Variants in ARHGAP10 observed in about 807,000 individuals in gnomAD.
ARHGAP10 encodes the protein Rho GTPase activating protein 10.
A neutral mutation model predicts 108.6 loss-of-function variants in ARHGAP10; 87 were observed. That is an observed-to-expected ratio of 0.80 (90% confidence interval 0.67 to 0.96). The LOEUF is 0.96. ARHGAP10 is among the 40% of genes least tolerant of loss of function. The pLI is 0.00. For missense variants in ARHGAP10, 939 were observed against 954.5 expected, an observed-to-expected ratio of 0.98 and a Z score of 0.21; for synonymous variants, 347 against 341.1, an observed-to-expected ratio of 1.02 and a Z score of -0.19.
At chr4:147,732,484 T>C in intron 1 of ARHGAP10, 29 bp downstream of exon 1, 2 of 1,605,950 alleles carry the variant, frequency 1.2e-6, no homozygotes, top group Non-Finnish European at 1.7e-6. Flanking sequence ...GCGGACGGGC[T>C]GCGGCGTGGC....
At chr4:147,837,756 G>A (rs1242665982) in intron 3 of ARHGAP10, among the ~76,000 whole-genome samples, 1 of 145,726 alleles carries the variant, frequency 6.9e-6, no homozygotes, top group East Asian at 2.1e-4. Flanking sequence ...GCCAGTGTCT[G>A]TCATTTTTGG....
chr4:147,939,676 T>C, intron 13 of ARHGAP10, 149 bp from the exon 14 acceptor site: 1 of 701,780 alleles, frequency 1.4e-6, no homozygotes, highest in Non-Finnish European at 2.5e-6. Context: ...TAAAACAAGT[T>C]GTTAAACACT....
chr4:147,760,430 C>T (rs555298876), intron 1 of ARHGAP10, among the ~76,000 whole-genome samples: 18 of 152,266 alleles, frequency 1.2e-4, no homozygotes, highest in African/African-American at 3.9e-4. Context: ...CAGCAGCTCC[C>T]GTGAGTCCAC....
intron 7 of ARHGAP10, among the ~76,000 whole-genome samples, chr4:147,872,590 G>T (rs1005867937): frequency 6.6e-6 from 1 of 152,132 alleles, no homozygotes; most frequent in Non-Finnish European, 1.5e-5. Context: ...ACTACTAATC[G>T]CCTACTGTTG....
At chr4:148,059,309 G>A (rs1729498687) in intron 20 of ARHGAP10, among the ~76,000 whole-genome samples, 1 of 152,034 alleles carries the variant, frequency 6.6e-6, no homozygotes, top group Non-Finnish European at 1.5e-5. Flanking sequence ...CTCCATTTTC[G>A]CAAACTGCAA....
chr4:147,977,841 C>G (rs1160682806), intron 18 of ARHGAP10, among the ~76,000 whole-genome samples: 2 of 151,856 alleles, frequency 1.3e-5, no homozygotes, highest in African/African-American at 4.8e-5. Flanking sequence ...TCTCCAGTGT[C>G]TATTACTTTC....
At chr4:147,904,037 C>A (rs1167454193) in intron 10 of ARHGAP10, among the ~76,000 whole-genome samples, 1 of 152,130 alleles carries the variant, frequency 6.6e-6, no homozygotes, top group Admixed American at 6.6e-5. Flanking sequence ...TAAGAAACAA[C>A]CAGACTTTGA....
At position 148,051,925 on chromosome 4, in the gene ARHGAP10, T is replaced by TG. The variant is rs894082195; in HGVS notation, c.2027+4880dup. Among the ~76,000 whole-genome samples, 7 of 152,290 alleles carry TG rather than the reference T, an allele frequency of 4.6e-5. No individual in the cohort carries two copies. The South Asian group carries it at 1.5e-3, about 32-fold the overall frequency. ...GTTTCCTTTAAATTGGGCAAATGAA[T>TG]GGGGGGTTTCTCAGAGACAGCTGCT... On this transcript the variant is annotated intron_variant, in intron 20 of 22. Coordinates refer to ENST00000336498, the MANE Select transcript of ARHGAP10 (RefSeq NM_024605.4).
At chr4:147,813,722 A>C (rs190843615) in intron 1 of ARHGAP10, among the ~76,000 whole-genome samples, 2 of 152,316 alleles carry the variant, frequency 1.3e-5, no homozygotes, top group East Asian at 3.9e-4. Flanking sequence ...CTGTACTGTG[A>C]GTTTTTTCTC....
At chr4:147,828,105 C>T (rs1275024218) in intron 3 of ARHGAP10, among the ~76,000 whole-genome samples, 1 of 152,118 alleles carries the variant, frequency 6.6e-6, no homozygotes, top group Non-Finnish European at 1.5e-5. Context: ...GCCCATTCCA[C>T]TTTATCTTTA....
intron 1 of ARHGAP10, among the ~76,000 whole-genome samples, chr4:147,818,267 T>C (rs1732338080): frequency 6.6e-6 from 1 of 151,526 alleles, no homozygotes; most frequent in Admixed American, 6.6e-5. Context: ...AGGCGCTCAA[T>C]AAAGGTTAGT....
rs1043225873 is a variant in ARHGAP10, at chr4:147,955,332, C to G, written c.1408C>G (p.Leu470Val). ...KQYLRSLPEP[L>V]MTYELHGDFI... ...TTCACACAGGAGTCTTCCAGAGCCT[C>G]TCATGACCTATGAGTTACATGGAGA... Residue 470 changes from leucine (L) to valine (V), a missense_variant, in exon 16 of 23, where the codon CTC becomes GTC. Coordinates refer to ENST00000336498, the MANE Select transcript of ARHGAP10 (RefSeq NM_024605.4). 6.2e-7 allele frequency: 1 copy of G among 1,611,830 alleles called. No homozygotes were observed. Among genetic ancestry groups the G allele is most frequent in the African/African-American group, 1.3e-5 (1 of 74,944 alleles).
At chr4:147,859,874 A>G (rs1734242819) in intron 5 of ARHGAP10, among the ~76,000 whole-genome samples, 1 of 152,234 alleles carries the variant, frequency 6.6e-6, no homozygotes, top group African/African-American at 2.4e-5. Flanking sequence ...TAAATTACAT[A>G]CACTTTTTAA....
intron 1 of ARHGAP10, among the ~76,000 whole-genome samples, chr4:147,763,180 A>T (rs990019934): frequency 5.3e-5 from 8 of 151,878 alleles, no homozygotes; most frequent in Admixed American, 1.3e-4. Flanking sequence ...TAAGAAAATG[A>T]CTGTTTTTTT....
intron 18 of ARHGAP10, among the ~76,000 whole-genome samples, chr4:148,007,144 T>C (rs1285389555): frequency 1.3e-5 from 2 of 152,232 alleles, no homozygotes; most frequent in Non-Finnish European, 2.9e-5. Flanking sequence ...GAGAGCTAAA[T>C]AAGAATGACT....
chr4:147,995,712 C>G (rs1740446422), intron 18 of ARHGAP10, among the ~76,000 whole-genome samples: 1 of 152,076 alleles, frequency 6.6e-6, no homozygotes, highest in South Asian at 2.1e-4. Flanking sequence ...TTTGCATGGT[C>G]CATCTCTCTC....
At chr4:147,925,944 G>T (rs933276343) in intron 13 of ARHGAP10, among the ~76,000 whole-genome samples, 1 of 152,200 alleles carries the variant, frequency 6.6e-6, no homozygotes, top group Non-Finnish European at 1.5e-5. Flanking sequence ...ATAATGGCCA[G>T]CAAGGAAGCC....
Position 147,941,045 on chromosome 4 carries a change from T to C in ARHGAP10, c.1303+1146T>C, listed in dbSNP as rs551228852. 2.0e-5 allele frequency among the ~76,000 whole-genome samples: 3 copies of C among 152,356 alleles called. No homozygotes were observed. The East Asian group carries it at 5.8e-4, about 29-fold the overall frequency. ...AAATTAAATAGACTCAGGTTGCCAG[T>C]GGTTCAGTAGCAGCTGGAAGAATTT... is the stretch of plus-strand genomic sequence containing the variant. On this transcript the variant is annotated intron_variant, in intron 14 of 22. Coordinates refer to ENST00000336498, the MANE Select transcript of ARHGAP10 (RefSeq NM_024605.4).
At chr4:148,067,248 C>G (rs2017857) in intron 22 of ARHGAP10, among the ~76,000 whole-genome samples, 106,781 of 152,154 alleles carry the variant, frequency 0.7, 38,091 homozygotes, top group East Asian at 0.85. Flanking sequence ...AACACTTCTT[C>G]AAAGGGTACA....
Sources: allele counts gnomAD v4.1 joint callset (sites outside exome capture counted in the v4.1 genomes callset), GRCh38; gene constraint gnomAD v4.1.1; transcripts MANE v1.5; gene names NCBI Gene and HGNC (gene_info 2026-07-23, HGNC 2026-07-21).